SNTG2: variants seen among roughly 807,000 people sequenced by gnomAD.
The protein encoded by SNTG2 is syntrophin gamma 2, also known as gamma-2-syntrophin.
Under a neutral mutation model 70.9 loss-of-function variants are expected in SNTG2, and 74 were observed. The observed-to-expected ratio is 1.04, with a 90% confidence interval of 0.86 to 1.27. SNTG2 has a LOEUF of 1.27. Ranked by LOEUF, SNTG2 falls within the 50% of genes most tolerant of loss-of-function variation. The pLI is 0.00. For synonymous variants in SNTG2, 278 were observed against 273.8 expected (o/e 1.02, Z -0.15); for missense variants, 717 against 690.7 (o/e 1.04, Z -0.43).
intron 4 of SNTG2, among the ~76,000 whole-genome samples, chr2:1,105,325 G>T (rs552920344): frequency 6.6e-6 from 1 of 152,178 alleles, no homozygotes; most frequent in African/African-American, 2.4e-5. Flanking sequence ...GGCATCTGCT[G>T]CAGGGCTTAC....
intron 1 of SNTG2, among the ~76,000 whole-genome samples, chr2:1,080,931 G>A (rs978390075): frequency 6.6e-6 from 1 of 152,110 alleles, no homozygotes; most frequent in Admixed American, 6.5e-5. Flanking sequence ...AATCATTACC[G>A]AGAACGCTGG....
chr2:1,247,259 G>C (rs1677483584), intron 11 of SNTG2, 68 bp from the exon 12 acceptor site: 4 of 957,636 alleles, frequency 4.2e-6, no homozygotes, highest in Non-Finnish European at 6.7e-6. Context: ...TTGCTCATGT[G>C]CTTAACTCTG....
At chr2:1,010,529 A>G (rs1227826342) in intron 1 of SNTG2, among the ~76,000 whole-genome samples, 1 of 152,220 alleles carries the variant, frequency 6.6e-6, no homozygotes, top group Non-Finnish European at 1.5e-5. Context: ...CCAGACTATA[A>G]TTAGAGAAGT....
chr2:1,077,563 AT>A (rs1327658372), intron 1 of SNTG2, among the ~76,000 whole-genome samples: 8 of 152,118 alleles, frequency 5.3e-5, no homozygotes, highest in Non-Finnish European at 1.0e-4. Flanking sequence ...TGCGGCACGC[AT>A]TTAGTTTCGA....
intron 16 of SNTG2, among the ~76,000 whole-genome samples, chr2:1,325,487 A>G (rs888205841): frequency 2.6e-5 from 4 of 152,196 alleles, no homozygotes; most frequent in Non-Finnish European, 5.9e-5. Context: ...ACTCTGTTTA[A>G]TGTTGTGTTA....
intron 13 of SNTG2, among the ~76,000 whole-genome samples, chr2:1,266,331 G>A (rs1678730712): frequency 6.6e-6 from 1 of 152,150 alleles, no homozygotes; most frequent in Admixed American, 6.5e-5. Flanking sequence ...CCCGAAGTGG[G>A]GTGCAACCTT....
At chr2:1,358,690 T>G (rs1660982166) in intron 16 of SNTG2, among the ~76,000 whole-genome samples, 1 of 152,202 alleles carries the variant, frequency 6.6e-6, no homozygotes, top group Admixed American at 6.5e-5. Flanking sequence ...ATTTCTAGCT[T>G]CATGCTTTTG....
At chr2:1,303,928 AG>A (rs1465293469) in intron 14 of SNTG2, among the ~76,000 whole-genome samples, 5 of 152,234 alleles carry the variant, frequency 3.3e-5, no homozygotes, top group Admixed American at 3.3e-4. Context: ...GTCTTTGGGT[AG>A]CCTTACCATT....
At chr2:1,225,480 G>C (rs1675708607) in intron 9 of SNTG2, among the ~76,000 whole-genome samples, 1 of 152,200 alleles carries the variant, frequency 6.6e-6, no homozygotes, top group Non-Finnish European at 1.5e-5. Context: ...GTAAGCCGCA[G>C]AAAAGCAGTG....
chr2:1,365,529 T>C (rs1661430003), intron 16 of SNTG2, among the ~76,000 whole-genome samples: 1 of 152,178 alleles, frequency 6.6e-6, no homozygotes, highest in South Asian at 2.1e-4. Flanking sequence ...TCTTTGTGTA[T>C]CCCTGCATGG....
At position 1,266,751 on chromosome 2, in the gene SNTG2, C is replaced by CTTTTTTTTTTTTTTTTTTTTTTTTTTTT. The variant is rs59679083; in HGVS notation, c.1078-600_1078-599insTTTTTTTTTTTTTTTTTTTTTTTTTTTT. On this transcript the variant is annotated intron_variant, in intron 13 of 16. Coordinates refer to ENST00000308624, the MANE Select transcript of SNTG2 (RefSeq NM_018968.4). ...AATGTCTCAAGACTTTCATCTTTAT[C>CTTTTTTTTTTTTTTTTTTTTTTTTTTTT]TTTTTTTTTTTTTTCTTGAGACAGG... is the stretch of plus-strand genomic sequence containing the variant. Among the ~76,000 whole-genome samples the CTTTTTTTTTTTTTTTTTTTTTTTTTTTT allele has an allele frequency of 3.7e-5, 4 of 107,752 alleles. 1 individual carries two copies. The highest frequency in any genetic ancestry group is 5.2e-5 in the Non-Finnish European group (3 of 57,962). 70.7% of individuals were successfully genotyped at this position (107,752 alleles called of 152,430 possible).
At chr2:1,235,002 C>T (rs900956697) in intron 9 of SNTG2, among the ~76,000 whole-genome samples, 23 of 152,252 alleles carry the variant, frequency 1.5e-4, no homozygotes, top group African/African-American at 5.5e-4. Context: ...TGAGAAGACA[C>T]TGTCGTTAGT....
intron 14 of SNTG2, among the ~76,000 whole-genome samples, chr2:1,280,493 G>T (rs375243941): frequency 1.3e-5 from 2 of 152,144 alleles, no homozygotes; most frequent in Admixed American, 1.3e-4. Flanking sequence ...TGCACAAATG[G>T]CCTGGGAAGG....
chr2:1,265,459 G>A (rs1678675635), intron 13 of SNTG2, among the ~76,000 whole-genome samples: 1 of 152,136 alleles, frequency 6.6e-6, no homozygotes, highest in Admixed American at 6.5e-5. Context: ...CACACCACAA[G>A]GCATTTGATG....
intron 1 of SNTG2, among the ~76,000 whole-genome samples, chr2:1,071,540 T>C (rs1165044356): frequency 6.8e-6 from 1 of 147,520 alleles, no homozygotes; most frequent in East Asian, 2.1e-4. Flanking sequence ...CTGGGAGATA[T>C]ACCTAATGCT....
intron 9 of SNTG2, among the ~76,000 whole-genome samples, chr2:1,223,597 A>G (rs1017892073): frequency 1.3e-5 from 2 of 152,216 alleles, no homozygotes; most frequent in Non-Finnish European, 2.9e-5. Flanking sequence ...CTAAACATGA[A>G]CCAAAGTCAC....
chr2:1,206,022 T>C (rs1673610448), intron 8 of SNTG2, among the ~76,000 whole-genome samples: 1 of 152,196 alleles, frequency 6.6e-6, no homozygotes, highest in Non-Finnish European at 1.5e-5. Context: ...CAGATGCTTT[T>C]GCAACCCTGG....
intron 1 of SNTG2, among the ~76,000 whole-genome samples, chr2:1,062,340 G>T (rs977155851): frequency 4.6e-5 from 7 of 152,170 alleles, no homozygotes; most frequent in Admixed American, 4.6e-4. Context: ...AAAAGATAGG[G>T]TTCAGAATCC....
At chr2:1,308,669 T>C in intron 15 of SNTG2, 83 bp downstream of exon 15, 1 of 1,171,498 alleles carries the variant, frequency 8.5e-7, no homozygotes, top group South Asian at 1.3e-5. Flanking sequence ...CACGCATGTC[T>C]GGTAGAAGCC....
Sources: allele counts gnomAD v4.1 joint callset (sites outside exome capture counted in the v4.1 genomes callset), GRCh38; gene constraint gnomAD v4.1.1; transcripts MANE v1.5; gene names NCBI Gene and HGNC (gene_info 2026-07-23, HGNC 2026-07-21).